PCDHGB1: variants seen among roughly 807,000 people sequenced by gnomAD.
PCDHGB1 encodes protocadherin gamma subfamily B, 1.
PCDHGB1 carries 34 observed loss-of-function variants against 56.6 expected under a neutral mutation model. The observed-to-expected ratio is 0.60, with a 90% confidence interval of 0.46 to 0.80. The LOEUF is 0.80. PCDHGB1 is among the 30% of genes least tolerant of loss of function. The pLI, the probability that PCDHGB1 is intolerant of heterozygous loss-of-function variation, is 0.00. For synonymous variants in PCDHGB1, 561 were observed against 505.9 expected, an observed-to-expected ratio of 1.11 and a Z score of -1.46; for missense variants, 1,278 against 1,204.6, an observed-to-expected ratio of 1.06 and a Z score of -0.90.
intron 1 of PCDHGB1, chr5:141,371,743 C>G: frequency 6.2e-7 from 1 of 1,614,054 alleles, no homozygotes; most frequent in South Asian, 1.1e-5. Flanking sequence ...GACAACGTTC[C>G]CGTTTTCCAC....
chr5:141,503,221 C>A (rs528636727), intron 2 of PCDHGB1, among the ~76,000 whole-genome samples: 2 of 151,956 alleles, frequency 1.3e-5, no homozygotes, highest in Non-Finnish European at 2.9e-5. Context: ...CCATGAGCAC[C>A]GTAAAGATGG....
Position 141,486,294 on chromosome 5 carries a change from T to C in PCDHGB1, c.2410-8513T>C, listed in dbSNP as rs764106041. The C allele has an allele frequency of 1.2e-6, 2 of 1,614,036 alleles. No homozygotes were observed. The highest frequency in any genetic ancestry group is 1.7e-6 in the Non-Finnish European group (2 of 1,179,998). On this transcript the variant is annotated intron_variant, in intron 1 of 3. Transcript: ENST00000523390. The surrounding 1 kb of genome is among the most constrained non-coding windows in gnomAD (Gnocchi z 5.0). ...GGCACTGTGGTGGCACTTATCAGTG[T>C]GCAGGATCCAGACTCAGGGTCAAAC...
intron 1 of PCDHGB1, chr5:141,394,162 C>T: frequency 6.2e-7 from 1 of 1,613,904 alleles, no homozygotes; most frequent in Non-Finnish European, 8.5e-7. Context: ...GACAACCCTC[C>T]TACTTTCCCT....
At chr5:141,360,809 C>T (rs745788999) in intron 1 of PCDHGB1, 7 of 1,613,800 alleles carry the variant, frequency 4.3e-6, no homozygotes, top group African/African-American at 2.7e-5. Flanking sequence ...CAAAGTGGCA[C>T]GACCCAAATC....
intron 1 of PCDHGB1, among the ~76,000 whole-genome samples, chr5:141,460,369 T>C (rs1048970945): frequency 2.1e-4 from 32 of 152,322 alleles, no homozygotes; most frequent in African/African-American, 7.7e-4. Flanking sequence ...AGTTTTATAG[T>C]TTTACCATTT....
chr5:141,386,174 A>G (rs2090487407), intron 1 of PCDHGB1, among the ~76,000 whole-genome samples: 1 of 152,240 alleles, frequency 6.6e-6, no homozygotes, highest in South Asian at 2.1e-4. Flanking sequence ...ACCTTAGACC[A>G]TCTTATGTAC....
In PCDHGB1 at chr5:141,486,017, A is replaced by G. The variant is rs746747518; in HGVS notation, c.2410-8790A>G. On this transcript the variant is annotated intron_variant, in intron 1 of 3. Transcript: ENST00000523390. The surrounding 1 kb of genome is among the most constrained non-coding windows in gnomAD (Gnocchi z 5.0). ...CAGTGGTAACGTCACCTTTTATTTC[A>G]GTGGTCATACCCCTGATCGTGTAAG... The G allele has an allele frequency of 6.2e-7, 1 of 1,614,176 alleles. No homozygotes were observed. The highest frequency in any genetic ancestry group is 1.7e-5 in the Admixed American group (1 of 60,026).
intron 1 of PCDHGB1, chr5:141,390,401 A>G (rs1471626291): frequency 2.3e-6 from 3 of 1,328,496 alleles, no homozygotes; most frequent in Admixed American, 2.3e-5. Flanking sequence ...TCATTTTAGG[A>G]AAGTTGTAGT....
At chr5:141,355,454 T>G in intron 1 of PCDHGB1, 3 of 1,614,066 alleles carry the variant, frequency 1.9e-6, no homozygotes, top group Middle Eastern at 1.6e-4. Flanking sequence ...GGCACCTTGG[T>G]CACCGCGGGT....
At position 141,477,492 on chromosome 5, in the gene PCDHGB1, A is replaced by T; in HGVS notation, c.2410-17315A>T. ...AATGACAACCCTCCACAATCTTCTC[A>T]ATCTTCCTACGACGTTTACATTGAA... On this transcript the variant is annotated intron_variant, in intron 1 of 3. Coordinates refer to ENST00000523390, the MANE Select transcript of PCDHGB1 (RefSeq NM_018922.3). The surrounding 1 kb of genome is among the most constrained non-coding windows in gnomAD (Gnocchi z 4.9). The T allele has an allele frequency of 6.2e-7, 1 of 1,613,980 alleles. No individual in the cohort carries two copies. The highest frequency in any genetic ancestry group is 8.5e-7 in the Non-Finnish European group (1 of 1,179,958).
intron 1 of PCDHGB1, among the ~76,000 whole-genome samples, chr5:141,456,907 G>A (rs1430292511): frequency 6.6e-6 from 1 of 152,108 alleles, no homozygotes; most frequent in Non-Finnish European, 1.5e-5. Flanking sequence ...AGGTTGCAGT[G>A]AGCCGAGATC....
chr5:141,395,101 C>G, intron 1 of PCDHGB1: 3 of 1,614,164 alleles, frequency 1.9e-6, no homozygotes, highest in East Asian at 2.2e-5. Context: ...ACCGCCGACT[C>G]GCGGAAGAGT....
rs1407016089 is a variant in PCDHGB1 at position 141,489,914 on chromosome 5, C to T, written c.2410-4893C>T. On this transcript the variant is annotated intron_variant, in intron 1 of 3. Coordinates refer to ENST00000523390, the MANE Select transcript of PCDHGB1 (RefSeq NM_018922.3). The surrounding 1 kb of genome is among the most constrained non-coding windows in gnomAD (Gnocchi z 4.5). Reference sequence around the variant, plus strand: ...GGGGGGACCCCAGCCCGCTCAGGGACCACCCTTATCTCTGTCATCGTGCTG... The same window carrying T: ...GGGGGGACCCCAGCCCGCTCAGGGATCACCCTTATCTCTGTCATCGTGCTG... 3 of 1,614,094 alleles carry T rather than the reference C, an allele frequency of 1.9e-6. No individual in the cohort carries two copies. Among genetic ancestry groups the T allele is most frequent in the African/African-American group, 2.7e-5 (2 of 74,936 alleles).
In PCDHGB1 at chr5:141,487,743, G is replaced by C. The variant is rs1424889718; in HGVS notation, c.2410-7064G>C. The C allele has an allele frequency of 1.9e-6, 3 of 1,559,988 alleles. No homozygotes were observed. Among genetic ancestry groups the C allele is most frequent in the Non-Finnish European group, 2.6e-6 (3 of 1,150,774 alleles). ...AGTGATGTCACCATTTTTGTAAGAG[G>C]TAACTATGTGGTAGACGCTGTGCTT... On this transcript the variant is annotated intron_variant, in intron 1 of 3. Transcript: ENST00000523390. The surrounding 1 kb of genome is among the most constrained non-coding windows in gnomAD (Gnocchi z 5.0).
intron 3 of PCDHGB1, among the ~76,000 whole-genome samples, chr5:141,506,567 T>G (rs2099855029): frequency 6.6e-6 from 1 of 152,182 alleles, no homozygotes; most frequent in Non-Finnish European, 1.5e-5. Flanking sequence ...CCCCCTCGGT[T>G]TCACTTACTA....
rs1403789987 is a variant in PCDHGB1 at position 141,511,845 on chromosome 5, T to C, written c.*672T>C. The C allele has an allele frequency of 6.4e-6, 1 of 156,740 alleles. No individual in the cohort carries two copies. The highest frequency in any genetic ancestry group is 1.4e-5 in the Non-Finnish European group (1 of 70,694). 9.7% of individuals were successfully genotyped at this position (156,740 alleles called of 1,614,324 possible). A position where few individuals can be genotyped will look rare whatever the true frequency, so the allele number is the denominator to read the frequency against. On this transcript the variant is annotated 3_prime_UTR_variant, in exon 4 of 4. Transcript: ENST00000523390. ...AACGCCCTGGGGACCAGTCTTCTGT[T>C]TTGTTTTTCATTGTTTGACGTTTCC...
rs747722740 is a variant in PCDHGB1, at chr5:141,485,835, C to G, written c.2410-8972C>G. 3 of 1,614,190 alleles carry G rather than the reference C, an allele frequency of 1.9e-6. No homozygotes were observed. In the South Asian group the frequency reaches 3.3e-5, roughly 18 times the overall value. On this transcript the variant is annotated intron_variant, in intron 1 of 3. Transcript: ENST00000523390. This position sits in a 1 kb window ranked among gnomAD's most constrained non-coding sequence, Gnocchi z 5.7. ...ACTGCTGTCGATGGAGGGAACCCGC[C>G]GAGATCTGGCACCGCAGAGCTCCGG...
intron 1 of PCDHGB1, chr5:141,421,325 G>A: frequency 6.2e-7 from 1 of 1,613,906 alleles, no homozygotes; most frequent in Non-Finnish European, 8.5e-7. Context: ...AGGCAGATCC[G>A]ATATTCGGTG....
At chr5:141,450,885 T>C (rs1262944058) in intron 1 of PCDHGB1, among the ~76,000 whole-genome samples, 1 of 149,238 alleles carries the variant, frequency 6.7e-6, no homozygotes, top group African/African-American at 2.5e-5. Context: ...TGTGCAGTGG[T>C]GCGATATCGG....
Sources: allele counts gnomAD v4.1 joint callset (sites outside exome capture counted in the v4.1 genomes callset), GRCh38; gene constraint gnomAD v4.1.1; non-coding constraint Gnocchi (gnomAD v3.1); transcripts MANE v1.5; gene names NCBI Gene and HGNC (gene_info 2026-07-23, HGNC 2026-07-21).